The following MITF variants were observed in gnomAD, a reference collection of about 807,000 sequenced individuals.
MITF encodes microphthalmia-associated transcription factor.
In MITF, 17 loss-of-function variants were observed where a neutral mutation model predicts 60.5. The observed-to-expected ratio is 0.28, with a 90% CI of 0.19 to 0.42. The LOEUF is 0.42. MITF is among the 10% of genes least tolerant of loss of function. The pLI is 1.00. For synonymous variants in MITF, 260 were observed against 248.5 expected (o/e 1.05, Z -0.43); for missense variants, 622 against 683.5 (o/e 0.91, Z 1.00).
At chr3:69,952,712 A>G (rs954633261) in intron 7 of MITF, among the ~76,000 whole-genome samples, 7 of 152,156 alleles carry the variant, frequency 4.6e-5, no homozygotes, top group African/African-American at 1.4e-4. Flanking sequence ...TTTTCTGTGT[A>G]TTAAGAATAT....
intron 2 of MITF, among the ~76,000 whole-genome samples, chr3:69,913,817 C>G (rs1429676128): frequency 6.6e-6 from 1 of 152,118 alleles, no homozygotes; most frequent in Non-Finnish European, 1.5e-5. Context: ...CCTACTCAAC[C>G]TTCCCATATT....
chr3:69,775,607 T>C (rs1216616136), intron 1 of MITF, among the ~76,000 whole-genome samples: 2 of 152,252 alleles, frequency 1.3e-5, no homozygotes, highest in African/African-American at 4.8e-5. Context: ...TTTTTATTTC[T>C]TAATTCTGTT....
intron 1 of MITF, among the ~76,000 whole-genome samples, chr3:69,859,193 T>C (rs1041147921): frequency 6.6e-6 from 1 of 152,108 alleles, no homozygotes; most frequent in Non-Finnish European, 1.5e-5. Context: ...ACACATTTAT[T>C]AAATAGCAGA....
At chr3:69,751,664 A>G (rs768181401) in intron 1 of MITF, among the ~76,000 whole-genome samples, 146 of 151,480 alleles carry the variant, frequency 9.6e-4, no homozygotes, top group Middle Eastern at 3.4e-3. Context: ...TCTAAATTTC[A>G]GAGTAAGACA....
At chr3:69,823,976 T>G (rs1005138092) in intron 1 of MITF, among the ~76,000 whole-genome samples, 1 of 152,180 alleles carries the variant, frequency 6.6e-6, no homozygotes, top group African/African-American at 2.4e-5. Context: ...AGTTATCCTA[T>G]TATAAAACAG....
chr3:69,784,182 G>GTTGTTT (rs2062612164), intron 1 of MITF, among the ~76,000 whole-genome samples: 1 of 151,982 alleles, frequency 6.6e-6, no homozygotes, highest in Non-Finnish European at 1.5e-5. Context: ...TGTTGTTGTT[G>GTTGTTT]TTGTTGTTGT....
intron 1 of MITF, among the ~76,000 whole-genome samples, chr3:69,857,027 T>C (rs1305171462): frequency 6.6e-6 from 1 of 152,110 alleles, no homozygotes; most frequent in Non-Finnish European, 1.5e-5. Flanking sequence ...TAATTAATCA[T>C]TTAACCTATT....
At chr3:69,907,975 G>T (rs578175386) in intron 2 of MITF, among the ~76,000 whole-genome samples, 1 of 152,308 alleles carries the variant, frequency 6.6e-6, no homozygotes, top group African/African-American at 2.4e-5. Flanking sequence ...ATTATTTTAA[G>T]AGTTTCATTT....
chr3:69,924,731 A>G (rs2065547328), intron 2 of MITF, among the ~76,000 whole-genome samples: 1 of 152,148 alleles, frequency 6.6e-6, no homozygotes, highest in African/African-American at 2.4e-5. Context: ...TTTGCTTACA[A>G]TTTTCAGGAA....
chr3:69,924,532 A>G (rs1028683015), intron 2 of MITF, among the ~76,000 whole-genome samples: 3 of 152,242 alleles, frequency 2.0e-5, no homozygotes, highest in South Asian at 4.1e-4. Context: ...TCTCAAATTT[A>G]TACGAAAGCA....
intron 2 of MITF, among the ~76,000 whole-genome samples, chr3:69,929,813 G>A (rs2065677573): frequency 6.6e-6 from 1 of 152,086 alleles, no homozygotes; most frequent in Admixed American, 6.6e-5. Flanking sequence ...AGAGATGGTG[G>A]CTTGGATCAG....
At chr3:69,889,131 A>C (rs1406316421) in intron 2 of MITF, among the ~76,000 whole-genome samples, 1 of 144,030 alleles carries the variant, frequency 6.9e-6, no homozygotes, top group African/African-American at 2.6e-5. Context: ...ACAGAACCTC[A>C]TGACTTCAGC....
At chr3:69,830,207 G>C (rs894294201) in intron 1 of MITF, among the ~76,000 whole-genome samples, 2 of 152,088 alleles carry the variant, frequency 1.3e-5, no homozygotes, top group African/African-American at 4.8e-5. Flanking sequence ...AGAATCACTG[G>C]TGTACAGTGG....
In MITF at chr3:69,949,106, C is replaced by A. The variant is rs1382417583; in HGVS notation, c.818C>A (p.Pro273Gln). The A allele has an allele frequency of 1.9e-6, 3 of 1,613,642 alleles. No homozygotes were observed. Among genetic ancestry groups the A allele is most frequent in the Non-Finnish European group, 2.5e-6 (3 of 1,179,862 alleles). ...DLYGNQGLPPPGLTISNSCPA... is the reference protein window; with the variant it reads ...DLYGNQGLPPQGLTISNSCPA... ...TATGGAAACCAAGGTCTGCCCCCAC[C>A]AGGCCTCACCATCAGCAACTCCTGT... Residue 273 changes from proline to glutamine, a missense_variant, in exon 6 of 10, where the codon CCA becomes CAA. By Grantham distance (76) the Pro-to-Gln change is moderately conservative. Coordinates refer to ENST00000352241, the MANE Select transcript of MITF (RefSeq NM_001354604.2).
rs543544473 is a variant in MITF at position 69,914,175 on chromosome 3, A to C, written c.355-23647A>C. ...CTCACTTTGTCACCCAGGCTGGAGTACAATGGTGTGATCTTGGCTCACTGC... is the reference window on the plus strand; with the variant it reads ...CTCACTTTGTCACCCAGGCTGGAGTCCAATGGTGTGATCTTGGCTCACTGC... On this transcript the variant is annotated intron_variant, in intron 2 of 9. Transcript: ENST00000352241. Among the ~76,000 whole-genome samples, 9 of 152,226 alleles carry C rather than the reference A, an allele frequency of 5.9e-5. No homozygotes were observed. In the South Asian group the frequency reaches 1.9e-3, roughly 32 times the overall value.
intron 1 of MITF, among the ~76,000 whole-genome samples, chr3:69,758,117 GCACACACACACACACA>G (rs111261020): frequency 8.3e-6 from 1 of 120,110 alleles, no homozygotes. Flanking sequence ...TATATCATAT[GCACACACACACACACA>G]CACACACACT....
At chr3:69,778,197 A>C (rs1213500386) in intron 1 of MITF, among the ~76,000 whole-genome samples, 1 of 152,138 alleles carries the variant, frequency 6.6e-6, no homozygotes, top group East Asian at 1.9e-4. Context: ...TGGTTAGAAC[A>C]ATGGTGCTGT....
At chr3:69,763,252 G>A (rs2062237114) in intron 1 of MITF, among the ~76,000 whole-genome samples, 1 of 152,164 alleles carries the variant, frequency 6.6e-6, no homozygotes, top group African/African-American at 2.4e-5. Flanking sequence ...TTTGTGGGAA[G>A]GAGGACATAG....
chr3:69,928,191 C>G (rs577632973), intron 2 of MITF, among the ~76,000 whole-genome samples: 1 of 152,288 alleles, frequency 6.6e-6, no homozygotes, highest in South Asian at 2.1e-4. Context: ...AATCTTTGTC[C>G]CGTATCTGAT....
Sources: allele counts gnomAD v4.1 joint callset (sites outside exome capture counted in the v4.1 genomes callset), GRCh38; gene constraint gnomAD v4.1.1; transcripts MANE v1.5; gene names NCBI Gene and HGNC (gene_info 2026-07-23, HGNC 2026-07-21).